Variants in GRIA1 observed in about 807,000 individuals in gnomAD.
GRIA1 encodes glutamate receptor 1.
A neutral mutation model predicts 99.2 loss-of-function variants in GRIA1; 31 were observed. That is an observed-to-expected ratio of 0.31 (90% confidence interval 0.23 to 0.42). The LOEUF (loss-of-function observed/expected upper bound fraction) is 0.42. GRIA1 is among the 10% of genes least tolerant of loss of function. GRIA1 has a pLI of 1.00. For missense variants in GRIA1, 782 were observed against 1,157.5 expected (o/e 0.68, Z 4.71); for synonymous variants, 438 against 432.4 (o/e 1.01, Z -0.16).
In GRIA1 at chr5:153,813,033, G is replaced by A. The variant is rs1766929425; in HGVS notation, c.*1808G>A. The A allele has an allele frequency of 6.6e-6, 1 of 152,158 alleles. No individual in the cohort carries two copies. The highest frequency in any genetic ancestry group is 1.5e-5 in the Non-Finnish European group (1 of 68,036). 9.4% of individuals were successfully genotyped at this position (152,158 alleles called of 1,614,324 possible). A position where few individuals can be genotyped will look rare whatever the true frequency, so the allele number is the denominator to read the frequency against. On this transcript the variant is annotated 3_prime_UTR_variant, in exon 16 of 16. Coordinates refer to ENST00000285900, the MANE Select transcript of GRIA1 (RefSeq NM_000827.4). ...TGGCTTTTCTGTGGATTCTCTCAGT[G>A]GACCCACACCATCTCTATGTCTCTC... is the stretch of plus-strand genomic sequence containing the variant.
At chr5:153,732,504 T>C (rs1761106685) in intron 11 of GRIA1, among the ~76,000 whole-genome samples, 1 of 152,158 alleles carries the variant, frequency 6.6e-6, no homozygotes, top group Non-Finnish European at 1.5e-5. Flanking sequence ...CATATACACA[T>C]TGGCCACCTT....
In GRIA1 at chr5:153,650,479, T is replaced by G; in HGVS notation, c.610T>G (p.Cys204Gly). 1.2e-6 allele frequency: 2 copies of G among 1,613,898 alleles called. No individual in the cohort carries two copies. The highest frequency in any genetic ancestry group is 1.7e-6 in the Non-Finnish European group (2 of 1,179,904). The change falls in exon 4 of 16, where the codon TGT (cysteine) becomes GGT (glycine). Residue 204 changes from cysteine to glycine, a missense_variant. Transcript: ENST00000285900. The stretch of plus-strand genomic sequence containing the variant: ...AAAGGAGCGGCTGGTGGTGGTGGAC[T>G]GTGAATCAGAACGCCTCAATGCTAT... ...KKKERLVVVD[C>G]ESERLNAILG... is the part of the protein sequence containing the mutation.
chr5:153,792,719 T>TTC (rs372097215), intron 13 of GRIA1, among the ~76,000 whole-genome samples: 30 of 152,114 alleles, frequency 2.0e-4, no homozygotes, highest in Admixed American at 1.0e-3. Flanking sequence ...CTGTCTGTCT[T>TTC]TCTCTCTCTC....
intron 8 of GRIA1, among the ~76,000 whole-genome samples, chr5:153,686,761 T>G (rs1368911773): frequency 6.6e-6 from 1 of 152,196 alleles, no homozygotes; most frequent in African/African-American, 2.4e-5. Context: ...TATACAAAAG[T>G]AAGGGTGAAA....
chr5:153,586,087 G>A (rs1464093339), intron 2 of GRIA1, among the ~76,000 whole-genome samples: 2 of 152,188 alleles, frequency 1.3e-5, no homozygotes, highest in African/African-American at 4.8e-5. Flanking sequence ...AAGTTGGGAA[G>A]AGATATACAC....
intron 2 of GRIA1, among the ~76,000 whole-genome samples, chr5:153,568,146 G>A (rs1253530630): frequency 1.3e-5 from 2 of 152,156 alleles, no homozygotes; most frequent in East Asian, 1.9e-4. Flanking sequence ...CACGGGTGAC[G>A]AAGCAGTCTA....
intron 2 of GRIA1, among the ~76,000 whole-genome samples, chr5:153,604,178 G>A (rs1490602822): frequency 6.6e-6 from 1 of 152,010 alleles, no homozygotes; most frequent in East Asian, 1.9e-4. Flanking sequence ...GAAGAGATGG[G>A]AGAAAGAGAA....
At chr5:153,744,428 C>T (rs544050686) in intron 11 of GRIA1, among the ~76,000 whole-genome samples, 6 of 152,222 alleles carry the variant, frequency 3.9e-5, no homozygotes, top group African/African-American at 1.4e-4. Context: ...TCCACTTTCC[C>T]AAAAATGGGT....
At chr5:153,541,275 C>T (rs1422367986) in intron 2 of GRIA1, among the ~76,000 whole-genome samples, 1 of 152,196 alleles carries the variant, frequency 6.6e-6, no homozygotes, top group Non-Finnish European at 1.5e-5. Context: ...CACTCAACTT[C>T]CCCTGAGCTT....
At chr5:153,747,031 A>G (rs1274911576) in intron 11 of GRIA1, among the ~76,000 whole-genome samples, 1 of 152,278 alleles carries the variant, frequency 6.6e-6, no homozygotes. Flanking sequence ...ATTCACTCTG[A>G]ATCTGTTTCC....
chr5:153,602,238 G>T (rs1325899953), intron 2 of GRIA1, among the ~76,000 whole-genome samples: 1 of 152,112 alleles, frequency 6.6e-6, no homozygotes, highest in Admixed American at 6.5e-5. Context: ...TAGAGACATG[G>T]ATGAAATTGG....
chr5:153,656,597 C>T (rs1302822204), intron 5 of GRIA1, among the ~76,000 whole-genome samples: 2 of 151,462 alleles, frequency 1.3e-5, no homozygotes, highest in African/African-American at 4.9e-5. Flanking sequence ...TGTTTTGTAC[C>T]TCCAGCTTTT....
At chr5:153,635,031 G>C (rs1581374976) in intron 2 of GRIA1, among the ~76,000 whole-genome samples, 1 of 152,106 alleles carries the variant, frequency 6.6e-6, no homozygotes, top group South Asian at 2.1e-4. Context: ...GGGCACCCTC[G>C]GGCTGTCCTC....
chr5:153,670,917 G>T (rs1046291580), intron 5 of GRIA1, among the ~76,000 whole-genome samples: 1 of 152,112 alleles, frequency 6.6e-6, no homozygotes, highest in Non-Finnish European at 1.5e-5. Context: ...TAAAAGCATT[G>T]TAGAGATGCA....
chr5:153,649,119 G>A (rs1218279288), intron 3 of GRIA1, among the ~76,000 whole-genome samples: 1 of 152,278 alleles, frequency 6.6e-6, no homozygotes. Context: ...GCCAAGAAAT[G>A]CAGGTAGCCT....
intron 2 of GRIA1, among the ~76,000 whole-genome samples, chr5:153,513,220 C>T (rs1053324623): frequency 6.6e-6 from 1 of 152,062 alleles, no homozygotes; most frequent in African/African-American, 2.4e-5. Flanking sequence ...GAAGCTTAAG[C>T]AGAAGGGCAG....
At chr5:153,663,514 T>A (rs992154957) in intron 5 of GRIA1, among the ~76,000 whole-genome samples, 5 of 152,228 alleles carry the variant, frequency 3.3e-5, no homozygotes, top group African/African-American at 9.6e-5. Flanking sequence ...GTACCTCAGC[T>A]GTCTCACCTA....
At chr5:153,689,026 T>C (rs1490294155) in intron 8 of GRIA1, among the ~76,000 whole-genome samples, 2 of 151,936 alleles carry the variant, frequency 1.3e-5, no homozygotes, top group African/African-American at 4.8e-5. Flanking sequence ...AGGCTTTTTT[T>C]TCTTTCTTTC....
intron 2 of GRIA1, among the ~76,000 whole-genome samples, chr5:153,588,104 C>A (rs1487043382): frequency 6.6e-6 from 1 of 152,128 alleles, no homozygotes; most frequent in African/African-American, 2.4e-5. Flanking sequence ...TTAGCTCCTG[C>A]CAGGATAGTG....
Sources: gnomAD v4.1 joint callset for allele counts (sites outside exome capture counted in the v4.1 genomes callset) on GRCh38, gnomAD v4.1.1 for gene constraint, MANE v1.5 for transcripts, NCBI Gene and HGNC (gene_info 2026-07-23, HGNC 2026-07-21) for gene names.